Variants in G2E3 observed in about 807,000 individuals in gnomAD.
G2E3 encodes the protein G2/M phase-specific E3 ubiquitin-protein ligase.
In G2E3, 35 loss-of-function variants were observed where a neutral mutation model predicts 92.8. The ratio of observed to expected loss-of-function variants is 0.38; its 90% CI spans 0.29 to 0.50. The LOEUF is 0.50. G2E3 is among the 20% of genes least tolerant of loss of function. G2E3 has a pLI of 0.94. For missense variants in G2E3, 554 were observed against 823.8 expected, an observed-to-expected ratio of 0.67 and a Z score of 4.01; for synonymous variants, 242 against 272.4, an observed-to-expected ratio of 0.89 and a Z score of 1.10.
At chr14:30,589,077 C>G (rs117794879) in intron 3 of G2E3, among the ~76,000 whole-genome samples, 1 of 151,932 alleles carries the variant, frequency 6.6e-6, no homozygotes, top group South Asian at 2.1e-4. Context: ...TTTTCTTCCT[C>G]TAACCCACCT....
chr14:30,595,109 G>C (rs1472193060), intron 6 of G2E3, among the ~76,000 whole-genome samples: 8 of 152,128 alleles, frequency 5.3e-5, no homozygotes, highest in African/African-American at 1.9e-4. Context: ...CTGCACTCCT[G>C]TCTGGGCGAC....
chr14:30,561,325 T>G (rs1238085668), intron 1 of G2E3, among the ~76,000 whole-genome samples: 1 of 152,232 alleles, frequency 6.6e-6, no homozygotes, highest in Non-Finnish European at 1.5e-5. Flanking sequence ...CAAAAGTTTA[T>G]GCTTTTTTAA....
At chr14:30,615,119 TTAATGTATTTGCTTG>T (rs1882252726) in intron 13 of G2E3, among the ~76,000 whole-genome samples, 1 of 152,316 alleles carries the variant, frequency 6.6e-6, no homozygotes, top group African/African-American at 2.4e-5. Context: ...TCATTTGATA[TTAATGTATTTGCTTG>T]TTATGGATTT....
intron 2 of G2E3, among the ~76,000 whole-genome samples, chr14:30,582,966 A>C (rs1243629838): frequency 2.6e-5 from 4 of 152,196 alleles, no homozygotes; most frequent in Admixed American, 2.6e-4. Flanking sequence ...GATTGCATGT[A>C]TTATTCAAGG....
chr14:30,585,898 T>C (rs1880688654), intron 2 of G2E3, among the ~76,000 whole-genome samples: 1 of 152,180 alleles, frequency 6.6e-6, no homozygotes, highest in Non-Finnish European at 1.5e-5. Context: ...TGTACATCTC[T>C]GGGCATGCAT....
intron 12 of G2E3, among the ~76,000 whole-genome samples, chr14:30,608,311 T>C (rs1881926994): frequency 1.3e-5 from 2 of 152,214 alleles, no homozygotes; most frequent in South Asian, 4.1e-4. Context: ...GATTTTGGTC[T>C]GTGTTCACCA....
At chr14:30,615,138 T>C (rs987464205) in intron 13 of G2E3, among the ~76,000 whole-genome samples, 12 of 152,246 alleles carry the variant, frequency 7.9e-5, no homozygotes, top group African/African-American at 2.9e-4. Flanking sequence ...TTGCTTGTTA[T>C]GGATTTGAAA....
chr14:30,577,827 CACTG>C (rs879255823), intron 1 of G2E3: 3 of 152,206 alleles, frequency 2.0e-5, no homozygotes, highest in Non-Finnish European at 4.4e-5. Context: ...GAAAGTGTAT[CACTG>C]ACTGATCAAG....
At chr14:30,581,253 T>A in intron 2 of G2E3, 137 bp downstream of exon 2, 1 of 557,856 alleles carries the variant, frequency 1.8e-6, no homozygotes, top group Non-Finnish European at 3.2e-6. Flanking sequence ...TAATATTGCA[T>A]ATATTTATTT....
At position 30,602,021 on chromosome 14, in the gene G2E3, A is replaced by G. The variant is rs1169020930; in HGVS notation, c.900A>G (p.Lys300=). The part of the protein sequence containing the change: ...YNSGEFQKAK[K]HVLPNSNNVG... The stretch of plus-strand genomic sequence containing the variant: ...TAGGAGAGTTCCAAAAAGCCAAAAA[A>G]CATGTATTACCCAATTCTAATAATG... Residue 300 remains lysine (K), a synonymous_variant, in exon 10 of 15, where the codon AAA becomes AAG. Coordinates refer to ENST00000206595, the MANE Select transcript of G2E3 (RefSeq NM_017769.5). 1.2e-6 allele frequency: 2 copies of G among 1,611,584 alleles called. No homozygotes were observed. The highest frequency in any genetic ancestry group is 2.7e-5 in the African/African-American group (2 of 74,928).
chr14:30,612,311 TA>T lies in G2E3; in HGVS notation c.1608del (p.Lys536AsnfsTer4). 6.2e-7 allele frequency: 1 copy of T among 1,605,668 alleles called. No individual in the cohort carries two copies. Among genetic ancestry groups the T allele is most frequent in the Non-Finnish European group, 8.5e-7 (1 of 1,172,978 alleles). On this transcript the variant is annotated frameshift_variant, in exon 13 of 15. Coordinates refer to ENST00000206595, the MANE Select transcript of G2E3 (RefSeq NM_017769.5). LOFTEE classifies it high-confidence loss of function. ...CLRLITTLSD[K>X]YMLVKDILGY... Reference sequence around the variant, plus strand: ...TCAGACTTATAACGACATTAAGTGATAAATATATGTTAGTAAAAGACATACT... The same window carrying T: ...TCAGACTTATAACGACATTAAGTGATAATATATGTTAGTAAAAGACATACT...
chr14:30,567,643 A>G (rs1301898923), intron 1 of G2E3, among the ~76,000 whole-genome samples: 1 of 151,612 alleles, frequency 6.6e-6, no homozygotes, highest in Non-Finnish European at 1.5e-5. Flanking sequence ...TTATTACATT[A>G]TCTGGACTCT....
intron 1 of G2E3, among the ~76,000 whole-genome samples, chr14:30,570,642 T>C (rs913174488): frequency 6.6e-6 from 1 of 152,186 alleles, no homozygotes; most frequent in African/African-American, 2.4e-5. Context: ...GAATTTATTA[T>C]TTCAGTTATT....
Position 30,619,546 on chromosome 14 carries a change from T to A in G2E3, c.*3012T>A, listed in dbSNP as rs1297246357. The A allele has an allele frequency of 6.6e-6, 1 of 152,170 alleles. No individual in the cohort carries two copies. The highest frequency in any genetic ancestry group is 2.4e-5 in the African/African-American group (1 of 41,474). 9.4% of individuals were successfully genotyped at this position (152,170 alleles called of 1,614,324 possible). A position where few individuals can be genotyped will look rare whatever the true frequency, so the allele number is the denominator to read the frequency against. ...ATACAAAGTTTCATGCTTCAAGTAA[T>A]GCAATACAAAACATAACCCATTTAA... On this transcript the variant is annotated 3_prime_UTR_variant, in exon 15 of 15. Coordinates refer to ENST00000206595, the MANE Select transcript of G2E3 (RefSeq NM_017769.5).
intron 4 of G2E3, chr14:30,590,912 T>A (rs1209339619): frequency 6.9e-6 from 2 of 291,146 alleles, no homozygotes; most frequent in East Asian, 1.8e-4. Context: ...GATTTGAAAT[T>A]TTTTTCAGAT....
intron 1 of G2E3, among the ~76,000 whole-genome samples, chr14:30,569,137 G>T (rs759811219): frequency 5.9e-5 from 9 of 152,104 alleles, no homozygotes; most frequent in Non-Finnish European, 1.0e-4. Flanking sequence ...ATTGTAAAAA[G>T]TCAAACAATG....
chr14:30,607,588 T>C (rs1881890449), intron 11 of G2E3, among the ~76,000 whole-genome samples: 1 of 152,174 alleles, frequency 6.6e-6, no homozygotes, highest in South Asian at 2.1e-4. Flanking sequence ...GTGTATTTGG[T>C]CATTCTTGAC....
At chr14:30,606,430 C>CCTA (rs779363391) in intron 11 of G2E3, among the ~76,000 whole-genome samples, 6 of 152,076 alleles carry the variant, frequency 3.9e-5, no homozygotes, top group Admixed American at 6.5e-5. Flanking sequence ...ATTTGAATTT[C>CCTA]CTACTATATT....
At chr14:30,612,865 G>GA in intron 13 of G2E3, among the ~76,000 whole-genome samples, 1 of 151,980 alleles carries the variant, frequency 6.6e-6, no homozygotes, top group South Asian at 2.1e-4. Flanking sequence ...TCAAAAAAAT[G>GA]AAAAAAGAAT....
Sources: gnomAD v4.1 joint callset for allele counts (sites outside exome capture counted in the v4.1 genomes callset) on GRCh38, gnomAD v4.1.1 for gene constraint, MANE v1.5 for transcripts, NCBI Gene and HGNC (gene_info 2026-07-23, HGNC 2026-07-21) for gene names.